FILIP1: variants seen among roughly 807,000 people sequenced by gnomAD.
The protein encoded by FILIP1 is filamin A interacting protein 1, also known as filamin-A-interacting protein 1.
In FILIP1, 61 loss-of-function variants were observed where a neutral mutation model predicts 102.1. That is an observed-to-expected ratio of 0.60 (90% CI 0.49 to 0.74). The LOEUF (loss-of-function observed/expected upper bound fraction) is 0.74, where lower values mean the gene tolerates loss of function less well. FILIP1 is among the 30% of genes least tolerant of loss of function. FILIP1 has a pLI of 0.00. For missense variants in FILIP1, 1,314 were observed against 1,441.2 expected (o/e 0.91, Z 1.43); for synonymous variants, 491 against 526.9 (o/e 0.93, Z 0.93).
intron 2 of FILIP1, among the ~76,000 whole-genome samples, chr6:75,390,064 A>G (rs913496399): frequency 6.6e-6 from 1 of 152,184 alleles, no homozygotes; most frequent in Non-Finnish European, 1.5e-5. Context: ...GTGGTTATTT[A>G]ATTAGTCTGG....
At chr6:75,435,156 TTG>T (rs1318412889) in intron 1 of FILIP1, among the ~76,000 whole-genome samples, 1 of 152,230 alleles carries the variant, frequency 6.6e-6, no homozygotes, top group African/African-American at 2.4e-5. Context: ...TCTTCTTTTG[TTG>T]TGTCTCTGCC....
rs531018423 is a variant in FILIP1, at chr6:75,312,731, C to T, written c.3101G>A (p.Arg1034Gln). 2.2e-5 allele frequency: 36 copies of T among 1,614,118 alleles called. No homozygotes were observed. In the East Asian group the frequency reaches 3.6e-4, roughly 16 times the overall value. ...SPESQEMPMGRTILKVTPEKQ... is the reference protein window; with the variant it reads ...SPESQEMPMGQTILKVTPEKQ... ...TTCTGGGGTGACTTTGAGGATTGTCCGTCCCATGGGCATTTCCTGGGATTC... is the reference window on the plus strand; with the variant it reads ...TTCTGGGGTGACTTTGAGGATTGTCTGTCCCATGGGCATTTCCTGGGATTC... Residue 1034 changes from arginine to glutamine, a missense_variant, in exon 5 of 6, where the codon CGG (arginine) becomes CAG (glutamine). Around this residue, in one of 3 missense-constraint regions of FILIP1, gnomAD observed 816 missense variants for 913.1 expected, o/e 0.89. Coordinates refer to ENST00000237172, the MANE Select transcript of FILIP1 (RefSeq NM_015687.5).
In FILIP1 at chr6:75,312,965, G is replaced by T. The variant is rs1364348569; in HGVS notation, c.2867C>A (p.Pro956Gln). 2 of 1,614,130 alleles carry T rather than the reference G, an allele frequency of 1.2e-6. No individual in the cohort carries two copies. The highest frequency in any genetic ancestry group is 2.2e-5 in the South Asian group (2 of 91,074). Residue 956 changes from proline to glutamine, a missense_variant, in exon 5 of 6, where the codon CCA becomes CAA. Coordinates refer to ENST00000237172, the MANE Select transcript of FILIP1 (RefSeq NM_015687.5). ...GNQKPRITII[P>Q]SPNVMPQKQK... Reference sequence around the variant, plus strand: ...TTTTTGAGGCATAACGTTTGGTGATGGAATAATGGTTATTCTTGGTTTCTG... The same window carrying T: ...TTTTTGAGGCATAACGTTTGGTGATTGAATAATGGTTATTCTTGGTTTCTG...
chr6:75,381,532 AT>A (rs57691607), intron 2 of FILIP1, among the ~76,000 whole-genome samples: 3,916 of 151,910 alleles, frequency 0.026, 184 homozygotes, highest in African/African-American at 0.089. Context: ...CTGGCCTACA[AT>A]TTTTTTTGAA....
chr6:75,412,293 T>C (rs948826096), intron 2 of FILIP1, among the ~76,000 whole-genome samples: 2 of 152,180 alleles, frequency 1.3e-5, no homozygotes, highest in African/African-American at 2.4e-5. Context: ...CTGATGTTGC[T>C]TATCAGGTTA....
intron 1 of FILIP1, among the ~76,000 whole-genome samples, chr6:75,468,979 A>T (rs577818173): frequency 6.6e-6 from 1 of 152,196 alleles, no homozygotes; most frequent in East Asian, 1.9e-4. Context: ...AACATGAAGG[A>T]ACCAGAAACT....
chr6:75,475,124 C>A (rs150788311), intron 1 of FILIP1, among the ~76,000 whole-genome samples: 1 of 151,962 alleles, frequency 6.6e-6, no homozygotes, highest in Admixed American at 6.6e-5. Flanking sequence ...TATGGCAATG[C>A]GAGAATGGAC....
At chr6:75,339,440 T>A (rs1417145334) in intron 4 of FILIP1, among the ~76,000 whole-genome samples, 2 of 152,208 alleles carry the variant, frequency 1.3e-5, no homozygotes, top group Non-Finnish European at 2.9e-5. Context: ...TGAATTTGTA[T>A]CTGGACTCTG....
chr6:75,385,640 C>G (rs761358821), intron 2 of FILIP1: 3 of 152,076 alleles, frequency 2.0e-5, no homozygotes, highest in Non-Finnish European at 4.4e-5. Flanking sequence ...TTATATCATG[C>G]CTTCTTTCCA....
At chr6:75,350,397 A>T (rs1208919564) in intron 4 of FILIP1, among the ~76,000 whole-genome samples, 9 of 107,246 alleles carry the variant, frequency 8.4e-5, no homozygotes, top group Non-Finnish European at 1.7e-4. Flanking sequence ...AATTTTTTTT[A>T]AAGTTTTTTT....
At chr6:75,319,978 C>T in intron 4 of FILIP1, 1 of 371,100 alleles carries the variant, frequency 2.7e-6, no homozygotes. Flanking sequence ...CTCCATTGCC[C>T]ATGTTTAGTT....
intron 4 of FILIP1, among the ~76,000 whole-genome samples, chr6:75,343,730 G>A (rs1582373393): frequency 6.6e-6 from 1 of 152,034 alleles, no homozygotes; most frequent in Admixed American, 6.6e-5. Flanking sequence ...ACTCAAATGG[G>A]GACAGGCCAC....
chr6:75,477,674 T>C (rs1322363793), intron 1 of FILIP1, among the ~76,000 whole-genome samples: 2 of 151,912 alleles, frequency 1.3e-5, no homozygotes, highest in East Asian at 3.9e-4. Flanking sequence ...GCATGGGAAG[T>C]TGAGTACAAG....
chr6:75,347,527 C>G (rs1774632742), intron 4 of FILIP1, among the ~76,000 whole-genome samples: 1 of 152,188 alleles, frequency 6.6e-6, no homozygotes, highest in Non-Finnish European at 1.5e-5. Context: ...TTTAGATTCT[C>G]TGAGCTACCA....
At chr6:75,449,091 A>G (rs1778534725) in intron 1 of FILIP1, among the ~76,000 whole-genome samples, 2 of 152,214 alleles carry the variant, frequency 1.3e-5, no homozygotes. Flanking sequence ...ATGCCCATCA[A>G]TCAACAAGCG....
intron 4 of FILIP1, among the ~76,000 whole-genome samples, chr6:75,331,862 A>G (rs1774096535): frequency 6.6e-6 from 1 of 152,004 alleles, no homozygotes. Context: ...CTAACCCCCC[A>G]TGCGCTGGTA....
chr6:75,314,735 A>G lies in FILIP1; in HGVS notation c.1097T>C (p.Ile366Thr). Reference sequence around the variant, plus strand: ...AGAGTTTCCACATTCTCCTTTGGCAATTTTATCTCTTAATTCTTGAAGTTC... The same window carrying G: ...AGAGTTTCCACATTCTCCTTTGGCAGTTTTATCTCTTAATTCTTGAAGTTC... The part of the protein sequence containing the change: ...EEELQELRDK[I>T]AKGECGNSSL... Residue 366 changes from isoleucine (I) to threonine (T), a missense_variant, in exon 5 of 6, where the codon ATT (isoleucine) becomes ACT (threonine). Transcript: ENST00000237172. The G allele has an allele frequency of 6.2e-7, 1 of 1,614,078 alleles. No homozygotes were observed.
rs1200127241 is a variant in FILIP1 at position 75,298,471 on chromosome 6, AT to A, written c.3494-2522del. On this transcript the variant is annotated intron_variant, in intron 6 of 6. Coordinates refer to the FILIP1 transcript ENST00000393004. ...TTATTTCTAGAGATAGTGAGATAAAATCTGTATGATACTGGCTCTATTAATT... is the reference window on the plus strand; with the variant it reads ...TTATTTCTAGAGATAGTGAGATAAAACTGTATGATACTGGCTCTATTAATT... 9.8e-5 allele frequency among the ~76,000 whole-genome samples: 15 copies of A among 152,324 alleles called. 1 individual carries two copies. Among genetic ancestry groups the A allele is most frequent in the African/African-American group, 2.9e-4 (12 of 41,584 alleles).
At chr6:75,310,175 G>A (rs936973511) in intron 5 of FILIP1, among the ~76,000 whole-genome samples, 43 of 152,204 alleles carry the variant, frequency 2.8e-4, no homozygotes, top group African/African-American at 9.7e-4. Context: ...TCACACTGTC[G>A]TGCCTTCGCA....
Sources: allele counts gnomAD v4.1 joint callset (sites outside exome capture counted in the v4.1 genomes callset), GRCh38; gene constraint gnomAD v4.1.1; regional missense constraint gnomAD v4.1.1; transcripts MANE v1.5; gene names NCBI Gene and HGNC (gene_info 2026-07-23, HGNC 2026-07-21).